Variants in SNX6 observed in about 807,000 individuals in gnomAD.
The protein encoded by SNX6 is sorting nexin 6.
In SNX6, 34 loss-of-function variants were observed where a neutral mutation model predicts 63.0. That is an observed-to-expected ratio of 0.54 (90% CI 0.41 to 0.72). The LOEUF is 0.72. SNX6 is among the 30% of genes least tolerant of loss of function. The pLI is 0.00. For synonymous variants in SNX6, 170 were observed against 164.2 expected (o/e 1.04, Z -0.27); for missense variants, 398 against 471.4 (o/e 0.84, Z 1.44).
chr14:34,621,951 C>CTTT lies in SNX6; in HGVS notation c.54+7953_54+7955dup, dbSNP rs1037764907. Reference sequence around the variant, plus strand: ...GTTTTTTCACCTGGGCATGTCTTTCCTTTTTTTTTTTTTTTTTTTTTTTTG... The same window carrying CTTT: ...GTTTTTTCACCTGGGCATGTCTTTCCTTTTTTTTTTTTTTTTTTTTTTTTTTTG... On this transcript the variant is annotated intron_variant, in intron 2 of 13. Coordinates refer to ENST00000362031, the MANE Select transcript of SNX6 (RefSeq NM_152233.4). Among the ~76,000 whole-genome samples, 369 of 77,366 alleles carry CTTT rather than the reference C, an allele frequency of 4.8e-3. 9 individuals are homozygous for CTTT. The highest frequency in any genetic ancestry group is 0.011 in the African/African-American group (189 of 17,366). The allele number at this position is 77,366 out of a possible 152,430, so 50.8% of individuals were successfully genotyped here. A position where few individuals can be genotyped will look rare whatever the true frequency, so the allele number is the denominator to read the frequency against.
chr14:34,597,446 G>A (rs1329460548), intron 7 of SNX6, 104 bp downstream of exon 7: 3 of 734,808 alleles, frequency 4.1e-6, no homozygotes, highest in East Asian at 2.5e-5. Flanking sequence ...GATTCTAACC[G>A]TCCAAATGTC....
intron 9 of SNX6, among the ~76,000 whole-genome samples, chr14:34,585,915 T>A (rs972796716): frequency 6.8e-6 from 1 of 146,918 alleles, no homozygotes; most frequent in Non-Finnish European, 1.5e-5. Flanking sequence ...TATTTATTTA[T>A]TTTTTTTGAG....
At chr14:34,596,889 CGA>C (rs1882623810) in intron 7 of SNX6, among the ~76,000 whole-genome samples, 2 of 151,936 alleles carry the variant, frequency 1.3e-5, no homozygotes, top group East Asian at 2.0e-4. Flanking sequence ...AGGTTGGTCT[CGA>C]AAACTCCTGA....
intron 3 of SNX6, among the ~76,000 whole-genome samples, chr14:34,609,214 G>C (rs1006227758): frequency 6.6e-6 from 1 of 151,786 alleles, no homozygotes; most frequent in Non-Finnish European, 1.5e-5. Flanking sequence ...GGCTGGGCGC[G>C]GTGGCTCACG....
At chr14:34,596,631 AAAG>A (rs1882612860) in intron 7 of SNX6, among the ~76,000 whole-genome samples, 1 of 151,016 alleles carries the variant, frequency 6.6e-6, no homozygotes, top group Admixed American at 6.6e-5. Flanking sequence ...GAAAAAAAAA[AAAG>A]AGAGAGAGAG....
chr14:34,598,544 ATC>A (rs1202359567), intron 6 of SNX6, among the ~76,000 whole-genome samples: 3 of 152,104 alleles, frequency 2.0e-5, no homozygotes, highest in Non-Finnish European at 2.9e-5. Flanking sequence ...GGCATGTACC[ATC>A]ATGCCCAACT....
In SNX6 at chr14:34,613,041, C is replaced by CAA. The variant is rs34313201; in HGVS notation, c.55-3301_55-3300dup. Among the ~76,000 whole-genome samples, 345 of 117,606 alleles carry CAA rather than the reference C, an allele frequency of 2.9e-3. 4 individuals carry two copies. The highest frequency in any genetic ancestry group is 6.9e-3 in the South Asian group (25 of 3,604). 77.2% of individuals were successfully genotyped at this position (117,606 alleles called of 152,430 possible). Reference sequence around the variant, plus strand: ...TCCAGTGACAGAGTGAGACTCTATCCAAAAAAAAAAAAAAAAAACTGACAC... The same window carrying CAA: ...TCCAGTGACAGAGTGAGACTCTATCCAAAAAAAAAAAAAAAAAAAACTGACAC... On this transcript the variant is annotated intron_variant, in intron 2 of 13. Transcript: ENST00000362031.
chr14:34,608,847 G>A (rs1361411877), intron 3 of SNX6, among the ~76,000 whole-genome samples: 3 of 151,864 alleles, frequency 2.0e-5, no homozygotes, highest in Non-Finnish European at 2.9e-5. Context: ...TGATCAATAA[G>A]GTGAAACCCA....
chr14:34,568,488 C>G (rs1178185268), intron 11 of SNX6, among the ~76,000 whole-genome samples: 1 of 151,974 alleles, frequency 6.6e-6, no homozygotes, highest in Non-Finnish European at 1.5e-5. Context: ...CTCGGCCTCC[C>G]AAAGTTATTC....
At chr14:34,569,117 T>C (rs561399719) in intron 11 of SNX6, 22 of 910,006 alleles carry the variant, frequency 2.4e-5, no homozygotes, top group Non-Finnish European at 3.9e-5. Flanking sequence ...TCTTTTACAG[T>C]AACTCCAGGC....
At chr14:34,565,509 T>C (rs945956468) in intron 13 of SNX6, among the ~76,000 whole-genome samples, 6 of 152,084 alleles carry the variant, frequency 3.9e-5, no homozygotes, top group Non-Finnish European at 8.8e-5. Flanking sequence ...TTTTGGTAGT[T>C]CATGACCTCT....
intron 6 of SNX6, 76 bp downstream of exon 6, chr14:34,603,272 C>A (rs1283364466): frequency 1.4e-6 from 2 of 1,405,576 alleles, no homozygotes; most frequent in Non-Finnish European, 9.6e-7. Flanking sequence ...GAAGACAGAG[C>A]GAGATTCCGT....
intron 8 of SNX6, among the ~76,000 whole-genome samples, chr14:34,587,008 CAAAAAAAAAAAAAAA>C (rs71121211): frequency 8.0e-5 from 4 of 50,124 alleles, no homozygotes; most frequent in Admixed American, 3.5e-4. Flanking sequence ...GACTCTGTCT[CAAAAAAAAAAAAAAA>C]AAAAAAAAAA....
intron 2 of SNX6, among the ~76,000 whole-genome samples, chr14:34,611,861 C>T (rs1286497361): frequency 6.6e-6 from 1 of 151,836 alleles, no homozygotes; most frequent in African/African-American, 2.4e-5. Context: ...TCACTGCAAG[C>T]TCCGCCTCCC....
intron 2 of SNX6, 130 bp downstream of exon 2, chr14:34,629,777 G>A: frequency 7.1e-7 from 1 of 1,400,208 alleles, no homozygotes; most frequent in Non-Finnish European, 9.7e-7. Flanking sequence ...GGTGCAGCGA[G>A]GAAACCGAAA....
intron 5 of SNX6, among the ~76,000 whole-genome samples, chr14:34,605,241 T>C (rs1286964331): frequency 2.0e-5 from 3 of 151,824 alleles, no homozygotes; most frequent in African/African-American, 4.8e-5. Context: ...AAAAAAACAA[T>C]GACTATTCTA....
chr14:34,621,387 A>C (rs1883615647), intron 2 of SNX6, among the ~76,000 whole-genome samples: 1 of 152,130 alleles, frequency 6.6e-6, no homozygotes, highest in South Asian at 2.1e-4. Flanking sequence ...CTCAACTAAT[A>C]ATTCCTAATT....
rs192065283 is a variant in SNX6, at chr14:34,615,958, T to C, written c.55-6216A>G. ...CATATCTGAAATAGGAATGTCCTTT[T>C]TTATTTTTATTTTTTTGAGGCAGAG... On this transcript the variant is annotated intron_variant, in intron 2 of 13. Coordinates refer to ENST00000362031, the MANE Select transcript of SNX6 (RefSeq NM_152233.4). 2.8e-3 allele frequency among the ~76,000 whole-genome samples: 430 copies of C among 152,196 alleles called. 4 individuals carry two copies. The highest frequency in any genetic ancestry group is 1.0e-2 in the African/African-American group (414 of 41,518).
chr14:34,608,039 T>G lies in SNX6; in HGVS notation c.261A>C (p.Ala87=), dbSNP rs761050264. The G allele has an allele frequency of 1.0e-5, 16 of 1,571,832 alleles. No homozygotes were observed. Among genetic ancestry groups the G allele is most frequent in the Non-Finnish European group, 4.4e-6 (5 of 1,146,026 alleles). The part of the protein sequence containing the change: ...HDSFVENEDY[A]GYIIPPAPPR... ...GAGTCTCAATACTTACGATATAACC[T>G]GCATAGTCTTCATTTTCAACAAAGG... The change falls in exon 4 of 14, where the codon GCA becomes GCC. Residue 87 remains alanine, a synonymous_variant. Transcript: ENST00000362031.
Sources: allele counts gnomAD v4.1 joint callset (sites outside exome capture counted in the v4.1 genomes callset), GRCh38; gene constraint gnomAD v4.1.1; transcripts MANE v1.5; gene names NCBI Gene and HGNC (gene_info 2026-07-23, HGNC 2026-07-21).